Variants in GUCY1A1 observed in about 807,000 individuals in gnomAD.
GUCY1A1 encodes the protein guanylate cyclase 1 soluble subunit alpha 1, also known as guanylate cyclase soluble subunit alpha-1.
In GUCY1A1, 48 loss-of-function variants were observed where a neutral mutation model predicts 64.5. The observed-to-expected ratio is 0.74, with a 90% CI of 0.59 to 0.95. GUCY1A1 has a LOEUF of 0.95. Ranked by LOEUF, GUCY1A1 falls within the 40% of genes least tolerant of loss-of-function variation. GUCY1A1 has a pLI of 0.00. For missense variants in GUCY1A1, 804 were observed against 825.3 expected (o/e 0.97, Z 0.32); for synonymous variants, 308 against 303.4 (o/e 1.02, Z -0.16).
At position 155,674,462 on chromosome 4, in the gene GUCY1A1, T is replaced by A. The variant is rs1734616079; in HGVS notation, c.-113+7043T>A. On this transcript the variant is annotated intron_variant, in intron 2 of 9. Coordinates refer to ENST00000506455, the MANE Select transcript of GUCY1A1 (RefSeq NM_001130682.3). ...GTGGAGAGTACTTGTAAAAAAAAAATGTTTAAAATAAAGAAGGGTTAGATT... is the reference window on the plus strand; with the variant it reads ...GTGGAGAGTACTTGTAAAAAAAAAAAGTTTAAAATAAAGAAGGGTTAGATT... Among the ~76,000 whole-genome samples, 5 of 151,316 alleles carry A rather than the reference T, an allele frequency of 3.3e-5. No homozygotes were observed. The South Asian group carries it at 8.3e-4, about 25-fold the overall frequency.
Position 155,730,413 on chromosome 4 carries a change from C to T in GUCY1A1, c.*182C>T. On this transcript the variant is annotated 3_prime_UTR_variant, in exon 10 of 10. Coordinates refer to ENST00000506455, the MANE Select transcript of GUCY1A1 (RefSeq NM_001130682.3). ...ATGTACTCACTTCAGTACTTCAGCT[C>T]TTCAAGAAAAAAAAAAAAAACCTTA... The T allele has an allele frequency of 2.7e-6, 1 of 371,568 alleles. No individual in the cohort carries two copies. Among genetic ancestry groups the T allele is most frequent in the Non-Finnish European group, 4.6e-6 (1 of 215,602 alleles). The allele number at this position is 371,568 out of a possible 1,614,324, so 23.0% of individuals were successfully genotyped here. A position where few individuals can be genotyped will look rare whatever the true frequency, so the allele number is the denominator to read the frequency against.
Position 155,713,132 on chromosome 4 carries a change from T to G in GUCY1A1, c.1121T>G (p.Val374Gly). 1 of 1,613,470 alleles carries G rather than the reference T, an allele frequency of 6.2e-7. No individual in the cohort carries two copies. The highest frequency in any genetic ancestry group is 8.5e-7 in the Non-Finnish European group (1 of 1,179,466). Reference protein sequence around the residue: ...MDLKGQMIYIVESSAILFLGS... With the variant: ...MDLKGQMIYIGESSAILFLGS... The stretch of plus-strand genomic sequence containing the variant: ...CTCAAAGGCCAAATGATCTACATTG[T>G]TGAATCCAGTGCAATCTTGTTTTTG... The change falls in exon 7 of 10, where the codon GTT (valine) becomes GGT (glycine). Residue 374 changes from valine to glycine, a missense_variant. Physicochemically the swap from Val to Gly is moderately radical, Grantham distance 109. Transcript: ENST00000506455.
At chr4:155,678,354 G>A in intron 2 of GUCY1A1, among the ~76,000 whole-genome samples, 1 of 152,196 alleles carries the variant, frequency 6.6e-6, no homozygotes, top group East Asian at 1.9e-4. Context: ...CACATTTCGA[G>A]AAATGCTGCT....
intron 3 of GUCY1A1, among the ~76,000 whole-genome samples, chr4:155,701,304 C>CT (rs1560938376): frequency 6.6e-6 from 1 of 152,024 alleles, no homozygotes; most frequent in Non-Finnish European, 1.5e-5. Flanking sequence ...GACTTTATTC[C>CT]TTTTTTTCTT....
chr4:155,724,508 T>C (rs1056332375), intron 9 of GUCY1A1, among the ~76,000 whole-genome samples: 7 of 152,112 alleles, frequency 4.6e-5, no homozygotes, highest in Non-Finnish European at 5.9e-5. Flanking sequence ...CATTGTGCCC[T>C]GCTAAAATAA....
intron 2 of GUCY1A1, among the ~76,000 whole-genome samples, chr4:155,668,634 A>G (rs1456598242): frequency 1.3e-5 from 2 of 152,116 alleles, no homozygotes; most frequent in African/African-American, 4.8e-5. Flanking sequence ...ATCTTGGTTC[A>G]GAGTGTAGAA....
intron 2 of GUCY1A1, among the ~76,000 whole-genome samples, chr4:155,672,368 G>A (rs1734268672): frequency 6.6e-6 from 1 of 152,106 alleles, no homozygotes; most frequent in East Asian, 1.9e-4. Flanking sequence ...CTTTACGTTA[G>A]ACTCCTGCTT....
intron 9 of GUCY1A1, among the ~76,000 whole-genome samples, chr4:155,727,213 G>A (rs765671972): frequency 1.3e-5 from 2 of 151,848 alleles, no homozygotes; most frequent in Non-Finnish European, 2.9e-5. Context: ...CCTTTTTTGG[G>A]TGTTGCTATC....
chr4:155,709,376 G>A (rs916964751), intron 5 of GUCY1A1, among the ~76,000 whole-genome samples: 1 of 152,074 alleles, frequency 6.6e-6, no homozygotes, highest in Non-Finnish European at 1.5e-5. Flanking sequence ...TCCTTTTGAT[G>A]TTAAGTGTTA....
intron 9 of GUCY1A1, among the ~76,000 whole-genome samples, chr4:155,727,793 G>A (rs940556587): frequency 2.6e-5 from 4 of 151,482 alleles, no homozygotes; most frequent in African/African-American, 7.3e-5. Flanking sequence ...AAAGTAAATA[G>A]ATATTAATAT....
At chr4:155,688,795 AAAC>A (rs1188647251) in intron 2 of GUCY1A1, among the ~76,000 whole-genome samples, 5 of 151,652 alleles carry the variant, frequency 3.3e-5, no homozygotes, top group African/African-American at 1.2e-4. Context: ...AAAAGAAAAA[AAAC>A]AAAACAAAAC....
intron 2 of GUCY1A1, among the ~76,000 whole-genome samples, chr4:155,673,759 G>A (rs1217841167): frequency 1.3e-5 from 2 of 151,288 alleles, no homozygotes. Context: ...TCCATTTCTA[G>A]CTTTTCGTTT....
Position 155,697,140 on chromosome 4 carries a change from A to T in GUCY1A1, c.255+18A>T. On this transcript the variant is annotated intron_variant, in intron 3 of 9. Coordinates refer to ENST00000506455, the MANE Select transcript of GUCY1A1 (RefSeq NM_001130682.3). ...TCCCAGAGGTGAGTGCGTGCTCTTT[A>T]GATTTTGAAATTGTAATACTTTGAA... The T allele has an allele frequency of 6.3e-7, 1 of 1,588,182 alleles. No individual in the cohort carries two copies. The highest frequency in any genetic ancestry group is 1.7e-4 in the Middle Eastern group (1 of 5,942).
chr4:155,699,159 G>A (rs967509274), intron 3 of GUCY1A1, among the ~76,000 whole-genome samples: 2 of 152,034 alleles, frequency 1.3e-5, no homozygotes, highest in African/African-American at 4.8e-5. Context: ...GCACACTTGA[G>A]TATGCAGTCA....
At chr4:155,689,842 C>A (rs1729504497) in intron 2 of GUCY1A1, among the ~76,000 whole-genome samples, 1 of 152,156 alleles carries the variant, frequency 6.6e-6, no homozygotes, top group Non-Finnish European at 1.5e-5. Context: ...TTGCCGTTGT[C>A]TTTAGAGTTG....
Position 155,733,057 on chromosome 4 carries a change from A to G in GUCY1A1, c.*2826A>G, listed in dbSNP as rs1735718499. 6.6e-6 allele frequency among the ~76,000 whole-genome samples: 1 copy of G among 151,858 alleles called. No homozygotes were observed. ...CTTTGTAGGAAAATGCAAAGCGTATATTTAAGAAAACCTAAATAAGAATAG... is the reference window on the plus strand; with the variant it reads ...CTTTGTAGGAAAATGCAAAGCGTATGTTTAAGAAAACCTAAATAAGAATAG... On this transcript the variant is annotated 3_prime_UTR_variant, in exon 10 of 10. Transcript: ENST00000506455.
chr4:155,693,035 G>A (rs13132319), intron 2 of GUCY1A1, among the ~76,000 whole-genome samples: 15 of 151,626 alleles, frequency 9.9e-5, no homozygotes, highest in African/African-American at 3.6e-4. Context: ...CTCCAGCCTG[G>A]ATGACAGAGT....
chr4:155,684,293 G>GTA (rs1736226492), intron 2 of GUCY1A1, among the ~76,000 whole-genome samples: 2 of 152,144 alleles, frequency 1.3e-5, no homozygotes, highest in Non-Finnish European at 2.9e-5. Flanking sequence ...TACCTGCAAA[G>GTA]TATATGTTCA....
chr4:155,711,306 A>G (rs778381031), intron 6 of GUCY1A1, 55 bp downstream of exon 6: 1 of 887,960 alleles, frequency 1.1e-6, no homozygotes, highest in South Asian at 1.6e-5. Flanking sequence ...ATTTAAGAGC[A>G]AGAAACAAAA....
Sources: gnomAD v4.1 joint callset for allele counts (sites outside exome capture counted in the v4.1 genomes callset) on GRCh38, gnomAD v4.1.1 for gene constraint, MANE v1.5 for transcripts, NCBI Gene and HGNC (gene_info 2026-07-23, HGNC 2026-07-21) for gene names.